The following SMC5 variants were observed in gnomAD, a reference collection of about 807,000 sequenced individuals.
SMC5 encodes the protein structural maintenance of chromosomes protein 5.
SMC5 carries 88 observed loss-of-function variants against 148.3 expected under a neutral mutation model. The observed-to-expected ratio is 0.59, with a 90% CI of 0.50 to 0.71. The LOEUF is 0.71. Among genes scored for constraint, SMC5 ranks in the 30% least tolerant of loss-of-function variants. The pLI, the probability that SMC5 is intolerant of heterozygous loss-of-function variation, is 0.00. For missense variants in SMC5, 1,142 were observed against 1,298.9 expected, an observed-to-expected ratio of 0.88 and a Z score of 1.86; for synonymous variants, 421 against 432.8, an observed-to-expected ratio of 0.97 and a Z score of 0.34.
At chr9:70,352,073 A>G (rs1338430359) in intron 24 of SMC5, 118 bp from the exon 25 acceptor site, 7 of 995,062 alleles carry the variant, frequency 7.0e-6, no homozygotes, top group Non-Finnish European at 9.9e-6. Flanking sequence ...AGAGTGGGAA[A>G]AAAAAAGTTT....
At chr9:70,261,902 C>G (rs1587609302) in intron 1 of SMC5, among the ~76,000 whole-genome samples, 1 of 152,272 alleles carries the variant, frequency 6.6e-6, no homozygotes, top group Admixed American at 6.5e-5. Flanking sequence ...GATAGCGGGA[C>G]TGAAAAGAGC....
chr9:70,270,684 T>A (rs2034423367), intron 3 of SMC5, among the ~76,000 whole-genome samples: 1 of 145,166 alleles, frequency 6.9e-6, no homozygotes, highest in African/African-American at 2.6e-5. Context: ...AGTGTCACTG[T>A]CGCCCAGGCT....
chr9:70,319,638 G>C (rs1040613088), intron 15 of SMC5, among the ~76,000 whole-genome samples: 1 of 152,282 alleles, frequency 6.6e-6, no homozygotes, highest in East Asian at 1.9e-4. Context: ...CCAAAGTGTA[G>C]TTTATTAAAG....
chr9:70,273,596 C>T (rs17052411), intron 3 of SMC5, among the ~76,000 whole-genome samples: 21,648 of 151,942 alleles, frequency 0.14, 2,130 homozygotes, highest in African/African-American at 0.28. Context: ...GAACAGTTAA[C>T]GTTAAAAATG....
chr9:70,278,715 G>A (rs1189268567), intron 5 of SMC5, 90 bp downstream of exon 5: 4 of 1,287,814 alleles, frequency 3.1e-6, no homozygotes, highest in African/African-American at 1.5e-5. Context: ...TTGATTCATT[G>A]AGTGAATTCG....
chr9:70,268,720 A>G (rs1383447486), intron 3 of SMC5, among the ~76,000 whole-genome samples: 2 of 152,036 alleles, frequency 1.3e-5, no homozygotes, highest in Admixed American at 6.6e-5. Context: ...TCCTAATTCT[A>G]TAAATAACTA....
At chr9:70,336,811 T>A (rs2036368416) in intron 17 of SMC5, among the ~76,000 whole-genome samples, 1 of 152,206 alleles carries the variant, frequency 6.6e-6, no homozygotes, top group Admixed American at 6.5e-5. Flanking sequence ...TAGCTTTAAA[T>A]CCAGTAACAC....
chr9:70,326,590 C>T (rs1045706437), intron 17 of SMC5, among the ~76,000 whole-genome samples: 7 of 149,782 alleles, frequency 4.7e-5, no homozygotes, highest in African/African-American at 1.7e-4. Context: ...AATGATAAAC[C>T]AGAATCTTTT....
At chr9:70,333,646 A>G (rs1019734629) in intron 17 of SMC5, among the ~76,000 whole-genome samples, 2 of 152,154 alleles carry the variant, frequency 1.3e-5, no homozygotes, top group African/African-American at 4.8e-5. Context: ...CAGGAGGATC[A>G]CTTGAACCCA....
chr9:70,313,870 T>G (rs1025949951), intron 11 of SMC5, among the ~76,000 whole-genome samples: 1 of 152,178 alleles, frequency 6.6e-6, no homozygotes. Flanking sequence ...TTATCAATTA[T>G]CTTCTTCCAA....
chr9:70,352,152 G>A (rs372466572), intron 24 of SMC5, 39 bp from the exon 25 acceptor site: 1 of 1,553,466 alleles, frequency 6.4e-7, no homozygotes, highest in South Asian at 1.2e-5. Context: ...ATACTTCTCA[G>A]TATATAGCTT....
At position 70,277,251 on chromosome 9, in the gene SMC5, A is replaced by G. The variant is rs1211327455; in HGVS notation, c.381-59A>G. ...TGTGCAAGAGAATTTTGGGAATTTT[A>G]TTTCTAAACTAATGTATATATTTTG... On this transcript the variant is annotated intron_variant, in intron 3 of 24. Coordinates refer to ENST00000361138, the MANE Select transcript of SMC5 (RefSeq NM_015110.4). 4.2e-6 allele frequency: 5 copies of G among 1,201,976 alleles called. No homozygotes were observed. The African/African-American group carries it at 4.8e-5, about 12-fold the overall frequency. The allele number at this position is 1,201,976 out of a possible 1,614,324, so 74.5% of individuals were successfully genotyped here. A position where few individuals can be genotyped will look rare whatever the true frequency, so the allele number is the denominator to read the frequency against.
chr9:70,260,893 C>G (rs564729797), intron 1 of SMC5, among the ~76,000 whole-genome samples: 116 of 152,226 alleles, frequency 7.6e-4, no homozygotes, highest in African/African-American at 2.8e-3. Flanking sequence ...TAGGCGCGTA[C>G]CATACCTGGC....
intron 8 of SMC5, among the ~76,000 whole-genome samples, chr9:70,289,282 C>G (rs2034993804): frequency 6.6e-6 from 1 of 152,130 alleles, no homozygotes; most frequent in Non-Finnish European, 1.5e-5. Flanking sequence ...AAGTGATCCA[C>G]CTGCCTTGGC....
chr9:70,263,600 C>T (rs1048146411), intron 1 of SMC5, among the ~76,000 whole-genome samples: 1 of 152,280 alleles, frequency 6.6e-6, no homozygotes, highest in South Asian at 2.1e-4. Flanking sequence ...ATAACTGTCC[C>T]TAGCAACTAA....
At position 70,297,951 on chromosome 9, in the gene SMC5, C is replaced by G. The variant is rs2035245725; in HGVS notation, c.1054-15C>G. The G allele has an allele frequency of 6.2e-7, 1 of 1,606,040 alleles. No homozygotes were observed. The highest frequency in any genetic ancestry group is 1.7e-5 in the Admixed American group (1 of 58,412). On this transcript the variant is annotated splice_polypyrimidine_tract_variant and intron_variant, in intron 8 of 24. Coordinates refer to ENST00000361138, the MANE Select transcript of SMC5 (RefSeq NM_015110.4). ...GAAAACAGTCTCAAGTACTAACCTA[C>G]TTTTGTTTTATTAGATTGAGGAACT...
At chr9:70,349,213 C>T (rs555686256) in intron 22 of SMC5, among the ~76,000 whole-genome samples, 45 of 152,244 alleles carry the variant, frequency 3.0e-4, no homozygotes, top group African/African-American at 1.0e-3. Context: ...ATTACAGATG[C>T]CTGCCACCAT....
At chr9:70,281,228 G>A (rs1650921086) in intron 6 of SMC5, among the ~76,000 whole-genome samples, 2 of 152,060 alleles carry the variant, frequency 1.3e-5, no homozygotes, top group Admixed American at 6.5e-5. Context: ...TTTTAGTAGA[G>A]ACAGGGTTTC....
intron 4 of SMC5, 46 bp downstream of exon 4, chr9:70,277,518 G>A (rs376102908): frequency 4.0e-5 from 60 of 1,488,802 alleles, no homozygotes; most frequent in Non-Finnish European, 5.4e-5. Flanking sequence ...TGTATATAGT[G>A]TTTCCTTTTT....
Sources: gnomAD v4.1 joint callset for allele counts (sites outside exome capture counted in the v4.1 genomes callset) on GRCh38, gnomAD v4.1.1 for gene constraint, MANE v1.5 for transcripts, NCBI Gene and HGNC (gene_info 2026-07-23, HGNC 2026-07-21) for gene names.